PDGFRA: variants seen among roughly 807,000 people sequenced by gnomAD.
PDGFRA encodes the protein platelet derived growth factor receptor alpha, also known as platelet-derived growth factor receptor alpha.
In PDGFRA, 25 loss-of-function variants were observed where a neutral mutation model predicts 121.5. The ratio of observed to expected loss-of-function variants is 0.21; its 90% CI spans 0.15 to 0.29. PDGFRA has a LOEUF of 0.29. PDGFRA is among the 10% of genes least tolerant of loss of function. The pLI is 1.00. For synonymous variants in PDGFRA, 463 were observed against 494.8 expected (o/e 0.94, Z 0.85); for missense variants, 1,008 against 1,345.1 (o/e 0.75, Z 3.92).
At chr4:54,254,463 A>G (rs1178649554) in intron 1 of PDGFRA, among the ~76,000 whole-genome samples, 1 of 152,218 alleles carries the variant, frequency 6.6e-6, no homozygotes, top group Non-Finnish European at 1.5e-5. Flanking sequence ...CAGTGGGTCC[A>G]CCATGTCTGG....
rs1724897364 is a variant in PDGFRA at position 54,296,662 on chromosome 4, C to A, written c.*1390C>A. The A allele has an allele frequency of 4.3e-6, 1 of 232,592 alleles. No homozygotes were observed. The highest frequency in any genetic ancestry group is 2.2e-5 in the African/African-American group (1 of 45,276). 14.4% of individuals were successfully genotyped at this position (232,592 alleles called of 1,614,324 possible). On this transcript the variant is annotated 3_prime_UTR_variant, in exon 23 of 23. Coordinates refer to ENST00000257290, the MANE Select transcript of PDGFRA (RefSeq NM_006206.6). ...CTGAAGTATGAAGTCTGAGGGAAACCAGAGTCTGTATTTTTCTAAACTCCC... is the reference window on the plus strand; with the variant it reads ...CTGAAGTATGAAGTCTGAGGGAAACAAGAGTCTGTATTTTTCTAAACTCCC...
intron 19 of PDGFRA, among the ~76,000 whole-genome samples, chr4:54,287,742 G>A (rs1724426797): frequency 6.6e-6 from 1 of 152,076 alleles, no homozygotes; most frequent in Non-Finnish European, 1.5e-5. Context: ...GTTTTTGTTG[G>A]GGGTTGCGTC....
chr4:54,277,127 A>T (rs1271164556), intron 12 of PDGFRA: 2 of 507,712 alleles, frequency 3.9e-6, no homozygotes, highest in East Asian at 3.6e-5. Flanking sequence ...GCGCGCTCAC[A>T]CCAGGGAGGG....
Position 54,274,523 on chromosome 4 carries a change from T to A in PDGFRA, c.1559-8T>A, listed in dbSNP as rs113586781. 6.2e-7 allele frequency: 1 copy of A among 1,607,356 alleles called. No homozygotes were observed. Among genetic ancestry groups the A allele is most frequent in the African/African-American group, 1.3e-5 (1 of 74,780 alleles). The stretch of plus-strand genomic sequence containing the variant: ...CTTTTCATTGTGCCTCTCTCTCTTG[T>A]CACGTAGCCCTGCGTTCTGAACTCA... On this transcript the variant is annotated splice_polypyrimidine_tract_variant and splice_region_variant and intron_variant, in intron 10 of 22. Coordinates refer to ENST00000257290, the MANE Select transcript of PDGFRA (RefSeq NM_006206.6).
intron 15 of PDGFRA, among the ~76,000 whole-genome samples, chr4:54,279,211 G>C (rs1397737160): frequency 6.6e-6 from 1 of 152,210 alleles, no homozygotes; most frequent in East Asian, 1.9e-4. Context: ...GTCCATGGGA[G>C]CACAGCCCCA....
At chr4:54,240,178 G>T in intron 1 of PDGFRA, 1 of 219,690 alleles carries the variant, frequency 4.6e-6, no homozygotes, top group Non-Finnish European at 1.0e-5. Context: ...ATGACTGGCT[G>T]TTTGACTTCT....
At position 54,264,002 on chromosome 4, in the gene PDGFRA, T is replaced by C. The variant is rs1313476721; in HGVS notation, c.628+75T>C. On this transcript the variant is annotated intron_variant, in intron 4 of 22. Transcript: ENST00000257290. ...CATAAGGTGCGTGTAGGATTTTTTT[T>C]TTTTTTTAAATCATCATCACTGGTG... 5 of 1,439,964 alleles carry C rather than the reference T, an allele frequency of 3.5e-6. No individual in the cohort carries two copies. The South Asian group carries it at 6.1e-5, about 18-fold the overall frequency. The allele number at this position is 1,439,964 out of a possible 1,614,324, so 89.2% of individuals were successfully genotyped here. A position where few individuals can be genotyped will look rare whatever the true frequency, so the allele number is the denominator to read the frequency against.
At chr4:54,229,472 T>C (rs1324128850) in intron 1 of PDGFRA, 57 bp downstream of exon 1, 1 of 393,012 alleles carries the variant, frequency 2.5e-6, no homozygotes, top group Non-Finnish European at 4.5e-6. Flanking sequence ...GATCAGACTC[T>C]GGGACTGGAG....
At chr4:54,263,068 CCTT>C (rs1722841746) in intron 3 of PDGFRA, among the ~76,000 whole-genome samples, 1 of 152,122 alleles carries the variant, frequency 6.6e-6, no homozygotes, top group Non-Finnish European at 1.5e-5. Flanking sequence ...GGCTCCTTCT[CCTT>C]CTTTAAATTT....
At chr4:54,284,286 C>G (rs1349128397) in intron 16 of PDGFRA, among the ~76,000 whole-genome samples, 1 of 152,208 alleles carries the variant, frequency 6.6e-6, no homozygotes, top group African/African-American at 2.4e-5. Context: ...TCTGAGCCCT[C>G]CAAACTCTTC....
intron 1 of PDGFRA, chr4:54,230,696 G>T (rs1176899687): frequency 6.6e-6 from 1 of 152,312 alleles, no homozygotes; most frequent in African/African-American, 2.4e-5. Context: ...CTCCGCGCGG[G>T]GGTGCGTGGC....
Position 54,285,228 on chromosome 4 carries a change from A to G in PDGFRA, c.2324-143A>G. 7.5e-6 allele frequency: 5 copies of G among 663,956 alleles called. 1 individual carries two copies. The highest frequency in any genetic ancestry group is 1.4e-5 in the Non-Finnish European group (5 of 367,750). The allele number at this position is 663,956 out of a possible 1,614,324, so 41.1% of individuals were successfully genotyped here. A position where few individuals can be genotyped will look rare whatever the true frequency, so the allele number is the denominator to read the frequency against. ...CTATTTTCTAAGATAGAATCTTTGCATAGTGATATTCATCTGTGAGATCTA... is the reference window on the plus strand; with the variant it reads ...CTATTTTCTAAGATAGAATCTTTGCGTAGTGATATTCATCTGTGAGATCTA... On this transcript the variant is annotated intron_variant, in intron 16 of 22. Transcript: ENST00000257290.
intron 16 of PDGFRA, 107 bp from the exon 17 acceptor site, chr4:54,285,263 CA>C (rs1724280435): frequency 1.8e-5 from 13 of 722,230 alleles, no homozygotes; most frequent in Non-Finnish European, 2.8e-5. Flanking sequence ...AAACATTCTA[CA>C]AAAAAATTAA....
chr4:54,270,627 T>A lies in PDGFRA; in HGVS notation c.1122-6T>A, dbSNP rs754623338. On this transcript the variant is annotated splice_polypyrimidine_tract_variant and splice_region_variant and intron_variant, in intron 7 of 22. Transcript: ENST00000257290. ...GCTTGTTGAAACAAAATCCTTTTTT[T>A]AAAAGGTATCGAAGCAAATTAAAGC... The A allele has an allele frequency of 4.6e-6, 7 of 1,535,920 alleles. No homozygotes were observed. The highest frequency in any genetic ancestry group is 1.4e-5 in the African/African-American group (1 of 73,374).
chr4:54,283,769 C>CT (rs934821741), intron 16 of PDGFRA, among the ~76,000 whole-genome samples: 17 of 151,640 alleles, frequency 1.1e-4, no homozygotes, highest in Admixed American at 8.6e-4. Context: ...TTCCCTTTTA[C>CT]TTTTTTTTTA....
intron 5 of PDGFRA, among the ~76,000 whole-genome samples, chr4:54,267,047 G>T (rs555661575): frequency 6.6e-6 from 1 of 152,040 alleles, no homozygotes; most frequent in Non-Finnish European, 1.5e-5. Context: ...TATTCTTTAG[G>T]TTTTATCTTT....
At position 54,277,459 on chromosome 4, in the gene PDGFRA, C is replaced by T. The variant is rs749366763; in HGVS notation, c.1858C>T (p.Pro620Ser). The change falls in exon 13 of 23, where the codon CCT (proline) becomes TCT (serine). Residue 620 changes from proline (P) to serine (S), a missense_variant. By Grantham distance (74) the Pro-to-Ser change is moderately conservative. Transcript: ENST00000257290. ...AGCCTATGGATTAAGCCGGTCCCAA[C>T]CTGTCATGAAAGTTGCAGTGAAGAT... ...GTAYGLSRSQPVMKVAVKMLK... is the reference protein window; with the variant it reads ...GTAYGLSRSQSVMKVAVKMLK... 1.2e-6 allele frequency: 2 copies of T among 1,613,882 alleles called. No homozygotes were observed. Among genetic ancestry groups the T allele is most frequent in the East Asian group, 2.2e-5 (1 of 44,866 alleles).
At chr4:54,291,113 C>T (rs879815498) in intron 22 of PDGFRA, among the ~76,000 whole-genome samples, 8 of 152,146 alleles carry the variant, frequency 5.3e-5, no homozygotes, top group Admixed American at 1.3e-4. Context: ...AGATTTCTAA[C>T]GTGTGCACAA....
At chr4:54,232,035 G>C (rs1476821935) in intron 1 of PDGFRA, among the ~76,000 whole-genome samples, 3 of 152,240 alleles carry the variant, frequency 2.0e-5, no homozygotes, top group Admixed American at 2.0e-4. Context: ...TGGGGACGTG[G>C]TGGCCAGCGC....
Sources: gnomAD v4.1 joint callset for allele counts (sites outside exome capture counted in the v4.1 genomes callset) on GRCh38, gnomAD v4.1.1 for gene constraint, MANE v1.5 for transcripts, NCBI Gene and HGNC (gene_info 2026-07-23, HGNC 2026-07-21) for gene names.